The following FOXJ3 variants were observed in gnomAD, a reference collection of about 807,000 sequenced individuals.
FOXJ3 encodes forkhead box protein J3.
In FOXJ3, 22 loss-of-function variants were observed where a neutral mutation model predicts 76.1. The ratio of observed to expected loss-of-function variants is 0.29; its 90% CI spans 0.21 to 0.41. FOXJ3 has a LOEUF of 0.41. Among genes scored for constraint, FOXJ3 ranks in the 10% least tolerant of loss-of-function variants. FOXJ3 has a pLI of 1.00. For synonymous variants in FOXJ3, 269 were observed against 261.2 expected (o/e 1.03, Z -0.29); for missense variants, 613 against 762.1 (o/e 0.80, Z 2.30).
chr1:42,274,415 G>C (rs1478205454), intron 3 of FOXJ3, among the ~76,000 whole-genome samples: 3 of 152,094 alleles, frequency 2.0e-5, no homozygotes, highest in Non-Finnish European at 4.4e-5. Flanking sequence ...AATTTATTAA[G>C]TATTTAATAT....
At chr1:42,250,947 G>C (rs1649987192) in intron 4 of FOXJ3, among the ~76,000 whole-genome samples, 1 of 150,252 alleles carries the variant, frequency 6.7e-6, no homozygotes, top group South Asian at 2.1e-4. Context: ...ACACTCTCAA[G>C]GACTTGTGAA....
At chr1:42,200,241 G>A (rs917748637) in intron 6 of FOXJ3, among the ~76,000 whole-genome samples, 1 of 152,020 alleles carries the variant, frequency 6.6e-6, no homozygotes, top group African/African-American at 2.4e-5. Context: ...CCTGTCCCAG[G>A]TAACCACTTC....
At position 42,323,698 on chromosome 1, in the gene FOXJ3, C is replaced by A. The variant is rs886094356; in HGVS notation, c.-18+11361G>T. 2.5e-5 allele frequency: 25 copies of A among 982,688 alleles called. No homozygotes were observed. The African/African-American group carries it at 4.4e-4, about 17-fold the overall frequency. The allele number at this position is 982,688 out of a possible 1,614,324, so 60.9% of individuals were successfully genotyped here. A position where few individuals can be genotyped will look rare whatever the true frequency, so the allele number is the denominator to read the frequency against. ...CTCTTAATTACCTTTGGATCTCTCACAATATCCAGGACAGTGTCTTGCATG... is the reference window on the plus strand; with the variant it reads ...CTCTTAATTACCTTTGGATCTCTCAAAATATCCAGGACAGTGTCTTGCATG... On this transcript the variant is annotated intron_variant, in intron 1 of 12. Transcript: ENST00000361346.
chr1:42,235,558 TTG>T (rs1491008856), intron 4 of FOXJ3, among the ~76,000 whole-genome samples: 6 of 145,890 alleles, frequency 4.1e-5, no homozygotes, highest in Non-Finnish European at 6.1e-5. Context: ...CCGTTTTTTT[TTG>T]TGTTTTTTTG....
chr1:42,206,448 G>A (rs374555204), intron 5 of FOXJ3, among the ~76,000 whole-genome samples: 1 of 152,060 alleles, frequency 6.6e-6, no homozygotes, highest in South Asian at 2.1e-4. Context: ...GGAAAATACC[G>A]GAAAAACAGG....
intron 5 of FOXJ3, among the ~76,000 whole-genome samples, chr1:42,211,722 C>T (rs1438981980): frequency 6.6e-6 from 1 of 152,164 alleles, no homozygotes; most frequent in Non-Finnish European, 1.5e-5. Context: ...AGATAGTGAG[C>T]CTGCTCACAC....
At chr1:42,295,910 T>A (rs1005052267) in intron 2 of FOXJ3, among the ~76,000 whole-genome samples, 4 of 152,186 alleles carry the variant, frequency 2.6e-5, no homozygotes, top group African/African-American at 9.7e-5. Flanking sequence ...GGTAGTTCTA[T>A]TTTTAGTTCT....
chr1:42,226,149 C>T (rs1647539706), intron 5 of FOXJ3, among the ~76,000 whole-genome samples: 1 of 151,898 alleles, frequency 6.6e-6, no homozygotes, highest in African/African-American at 2.4e-5. Flanking sequence ...TTATACTCCA[C>T]ACATTCATAT....
intron 4 of FOXJ3, among the ~76,000 whole-genome samples, chr1:42,230,060 T>C (rs542302412): frequency 1.3e-5 from 2 of 152,258 alleles, no homozygotes; most frequent in South Asian, 4.1e-4. Flanking sequence ...TTGTGGCTTG[T>C]CACAAATAAA....
chr1:42,226,535 G>A (rs1365328048), intron 5 of FOXJ3, among the ~76,000 whole-genome samples: 1 of 152,164 alleles, frequency 6.6e-6, no homozygotes, highest in African/African-American at 2.4e-5. Context: ...CTTGAACACA[G>A]GAGGTGGGGT....
intron 4 of FOXJ3, among the ~76,000 whole-genome samples, chr1:42,262,789 C>T (rs1038654345): frequency 2.0e-5 from 3 of 152,180 alleles, no homozygotes; most frequent in Non-Finnish European, 4.4e-5. Context: ...ACGGAGGCTG[C>T]AGTGAGCTGA....
In FOXJ3 at chr1:42,178,629, C is replaced by CA. The variant is rs1391072428; in HGVS notation, c.*1080dup. 6.6e-6 allele frequency: 1 copy of CA among 152,094 alleles called. No individual in the cohort carries two copies. Among genetic ancestry groups the CA allele is most frequent in the Non-Finnish European group, 1.5e-5 (1 of 68,038 alleles). The allele number at this position is 152,094 out of a possible 1,614,324, so 9.4% of individuals were successfully genotyped here. ...GTGAAACCCCATCTCTACTAAAATA[C>CA]AAAAAATCAGCCAGGCATGGCGGTG... is the stretch of plus-strand genomic sequence containing the variant. On this transcript the variant is annotated 3_prime_UTR_variant, in exon 13 of 13. Coordinates refer to ENST00000361346, the MANE Select transcript of FOXJ3 (RefSeq NM_014947.5).
intron 1 of FOXJ3, among the ~76,000 whole-genome samples, chr1:42,334,762 C>T (rs1418994040): frequency 2.0e-5 from 3 of 151,610 alleles, no homozygotes; most frequent in Admixed American, 1.3e-4. Context: ...CGTCTGGTTC[C>T]CCGGTGCCCC....
intron 1 of FOXJ3, among the ~76,000 whole-genome samples, chr1:42,311,650 A>T (rs202209286): frequency 2.0e-5 from 3 of 149,508 alleles, no homozygotes; most frequent in East Asian, 2.0e-4. Flanking sequence ...TTTAAAAAAA[A>T]AGTAGTAGTA....
chr1:42,238,036 ATTT>A (rs915781376), intron 4 of FOXJ3, among the ~76,000 whole-genome samples: 1 of 151,370 alleles, frequency 6.6e-6, no homozygotes, highest in Non-Finnish European at 1.5e-5. Flanking sequence ...ACCATTTTTT[ATTT>A]TTTTACTTTT....
chr1:42,213,335 C>T (rs72952334), intron 5 of FOXJ3, among the ~76,000 whole-genome samples: 3,174 of 152,010 alleles, frequency 0.021, 98 homozygotes, highest in African/African-American at 0.073. Context: ...CTTCAGAAGA[C>T]ATACCTAACA....
In FOXJ3 at chr1:42,257,920, C is replaced by A. The variant is rs557509163; in HGVS notation, c.444+7195G>T. Among the ~76,000 whole-genome samples the A allele has an allele frequency of 5.3e-5, 8 of 152,262 alleles. No individual in the cohort carries two copies. In the East Asian group the frequency reaches 1.5e-3, roughly 29 times the overall value. On this transcript the variant is annotated intron_variant, in intron 4 of 12. Coordinates refer to ENST00000361346, the MANE Select transcript of FOXJ3 (RefSeq NM_014947.5). ...TTTTATGTCAACACAAAGTACCCTG[C>A]ATATTTATCTTAGGTTGAAAATAGC...
At chr1:42,278,224 CT>C in intron 3 of FOXJ3, 123 bp downstream of exon 3, 1 of 763,490 alleles carries the variant, frequency 1.3e-6, no homozygotes. Flanking sequence ...TTTTGACATC[CT>C]AAAAATCACT....
intron 1 of FOXJ3, among the ~76,000 whole-genome samples, chr1:42,326,758 T>C (rs1342699693): frequency 3.9e-5 from 6 of 152,192 alleles, no homozygotes; most frequent in Admixed American, 3.9e-4. Flanking sequence ...TTTTATGTAC[T>C]CTAAGTCTGA....
Sources: gnomAD v4.1 joint callset for allele counts (sites outside exome capture counted in the v4.1 genomes callset) on GRCh38, gnomAD v4.1.1 for gene constraint, MANE v1.5 for transcripts, NCBI Gene and HGNC (gene_info 2026-07-23, HGNC 2026-07-21) for gene names.